The following VPS13B variants were observed in gnomAD, a reference collection of about 807,000 sequenced individuals.
VPS13B encodes the protein vacuolar protein sorting 13 homolog B.
Under a neutral mutation model 426.4 loss-of-function variants are expected in VPS13B, and 285 were observed. That is an observed-to-expected ratio of 0.67 (90% CI 0.61 to 0.74). The LOEUF (loss-of-function observed/expected upper bound fraction) is 0.74, where lower values mean the gene tolerates loss of function less well. Ranked by LOEUF, VPS13B falls within the 30% of genes least tolerant of loss-of-function variation. The pLI is 0.00. For missense variants in VPS13B, 4,537 were observed against 4,782.6 expected (o/e 0.95, Z 1.51); for synonymous variants, 1,676 against 1,676.4 (o/e 1.00, Z 0.01).
chr8:99,048,814 C>A (rs199541504), intron 3 of VPS13B, among the ~76,000 whole-genome samples: 58 of 146,338 alleles, frequency 4.0e-4, no homozygotes, highest in South Asian at 6.4e-4. Context: ...AACTCTGTCT[C>A]AAAAAAAAAA....
intron 17 of VPS13B, among the ~76,000 whole-genome samples, chr8:99,206,126 A>C (rs893998569): frequency 1.3e-5 from 2 of 152,164 alleles, no homozygotes; most frequent in African/African-American, 4.8e-5. Context: ...ATAAAGTCAC[A>C]CATGGCTTTG....
rs547538527 is a variant in VPS13B at position 99,032,252 on chromosome 8, AC to A, written c.148-6170del. On this transcript the variant is annotated intron_variant, in intron 2 of 61. Coordinates refer to ENST00000357162, the MANE Select transcript of VPS13B (RefSeq NM_152564.5). ...TCCATTGTTCTCCCATAGACACTAA[AC>A]TCAAACTGCTCTATTTGTTGTTTTG... Among the ~76,000 whole-genome samples the A allele has an allele frequency of 3.4e-3, 525 of 152,194 alleles. 2 individuals carry two copies. The highest frequency in any genetic ancestry group is 0.012 in the African/African-American group (504 of 41,514).
intron 21 of VPS13B, among the ~76,000 whole-genome samples, chr8:99,413,931 T>C (rs1480008268): frequency 3.3e-5 from 5 of 152,232 alleles, no homozygotes; most frequent in Admixed American, 6.5e-5. Context: ...GTTCTGTCAA[T>C]GTCTATTAGG....
rs573277557 is a variant in VPS13B at position 99,294,636 on chromosome 8, A to G, written c.2824+19382A>G. Among the ~76,000 whole-genome samples, 5 of 152,224 alleles carry G rather than the reference A, an allele frequency of 3.3e-5. No homozygotes were observed. In the South Asian group the frequency reaches 1.0e-3, roughly 32 times the overall value. The stretch of plus-strand genomic sequence containing the variant: ...AGATCCCTGTTATATGAAGGAAGAA[A>G]TGTGTCTGTAACATTAAAGCTGTTA... On this transcript the variant is annotated intron_variant, in intron 19 of 61. Coordinates refer to ENST00000357162, the MANE Select transcript of VPS13B (RefSeq NM_152564.5).
At chr8:99,575,344 C>T (rs1001169405) in intron 31 of VPS13B, among the ~76,000 whole-genome samples, 3 of 151,736 alleles carry the variant, frequency 2.0e-5, no homozygotes, top group Non-Finnish European at 2.9e-5. Context: ...TTGGTGGTAA[C>T]AAAAGTGATA....
intron 19 of VPS13B, among the ~76,000 whole-genome samples, chr8:99,277,534 A>C (rs145089830): frequency 5.9e-4 from 90 of 152,322 alleles, no homozygotes; most frequent in African/African-American, 2.1e-3. Context: ...AGTCATAAGT[A>C]AATCTTAAAT....
chr8:99,591,380 T>C (rs1347796139), intron 33 of VPS13B, among the ~76,000 whole-genome samples: 1 of 152,104 alleles, frequency 6.6e-6, no homozygotes, highest in Non-Finnish European at 1.5e-5. Flanking sequence ...ATGTGTGAAT[T>C]TGATCCTGTC....
intron 40 of VPS13B, among the ~76,000 whole-genome samples, chr8:99,773,736 A>C (rs1393540322): frequency 6.6e-6 from 1 of 152,216 alleles, no homozygotes; most frequent in Non-Finnish European, 1.5e-5. Context: ...ACTATTTTCC[A>C]GTTAAAAGTG....
intron 19 of VPS13B, among the ~76,000 whole-genome samples, chr8:99,337,217 C>T: frequency 6.6e-6 from 1 of 151,992 alleles, no homozygotes. Context: ...TTTGTAGGGA[C>T]ATGGATGAAA....
At chr8:99,698,729 T>G (rs1832138416) in intron 35 of VPS13B, among the ~76,000 whole-genome samples, 1 of 151,718 alleles carries the variant, frequency 6.6e-6, no homozygotes, top group Admixed American at 6.6e-5. Context: ...TTTAAAGATG[T>G]GTGACATGCT....
intron 2 of VPS13B, among the ~76,000 whole-genome samples, chr8:99,014,610 C>A (rs1841515216): frequency 6.7e-6 from 1 of 150,086 alleles, no homozygotes; most frequent in Admixed American, 6.7e-5. Flanking sequence ...ACATCACATT[C>A]TCATTCTCCT....
intron 19 of VPS13B, among the ~76,000 whole-genome samples, chr8:99,311,200 G>C (rs867912458): frequency 6.6e-6 from 1 of 152,122 alleles, no homozygotes; most frequent in South Asian, 2.1e-4. Context: ...GTTATTTCTT[G>C]CCTTCTGGTA....
At chr8:99,838,398 A>T (rs1198313008) in intron 54 of VPS13B, among the ~76,000 whole-genome samples, 1 of 152,236 alleles carries the variant, frequency 6.6e-6, no homozygotes, top group Non-Finnish European at 1.5e-5. Context: ...AGTGTATAGG[A>T]TTTTAATTTC....
chr8:99,517,310 C>T (rs1188897301), intron 29 of VPS13B, among the ~76,000 whole-genome samples: 1 of 152,146 alleles, frequency 6.6e-6, no homozygotes, highest in African/African-American at 2.4e-5. Context: ...TTTATTCAAG[C>T]TATTGGTTAC....
intron 30 of VPS13B, among the ~76,000 whole-genome samples, chr8:99,549,510 A>C (rs1195096922): frequency 3.9e-5 from 6 of 151,954 alleles, no homozygotes; most frequent in African/African-American, 1.2e-4. Context: ...TCTCTATATT[A>C]TCTCACTTAA....
At chr8:99,503,002 G>A in intron 27 of VPS13B, 52 bp downstream of exon 27, 1 of 1,342,046 alleles carries the variant, frequency 7.5e-7, no homozygotes, top group South Asian at 1.2e-5. Context: ...TTTGAACAAA[G>A]TTACCATAAG....
chr8:99,175,747 C>T (rs998162571), intron 16 of VPS13B, among the ~76,000 whole-genome samples: 2 of 152,186 alleles, frequency 1.3e-5, no homozygotes, highest in African/African-American at 2.4e-5. Flanking sequence ...ACAGCGAGAC[C>T]CTGTCTGTTT....
In VPS13B at chr8:99,570,330, T is replaced by C. The variant is rs1011387121; in HGVS notation, c.4950-5328T>C. ...CTCATTTTGGAATTCTAGTTATATA[T>C]GTTGGACTCATCTCTCCATGTCTCT... is the stretch of plus-strand genomic sequence containing the variant. On this transcript the variant is annotated intron_variant, in intron 31 of 61. Transcript: ENST00000357162. Among the ~76,000 whole-genome samples the C allele has an allele frequency of 1.7e-4, 26 of 152,264 alleles. 1 individual carries two copies. The East Asian group carries it at 3.1e-3, about 18-fold the overall frequency.
Position 99,222,624 on chromosome 8 carries a change from A to C in VPS13B, c.2515+29567A>C, listed in dbSNP as rs531674397. ...AAAAGAAAAACCAGTGGATTTTAAA[A>C]ACTCGAACAGGATGACAATTATTCA... On this transcript the variant is annotated intron_variant, in intron 17 of 61. Transcript: ENST00000357162. 3.9e-5 allele frequency among the ~76,000 whole-genome samples: 6 copies of C among 152,328 alleles called. No individual in the cohort carries two copies. The East Asian group carries it at 9.7e-4, about 25-fold the overall frequency.
Sources: allele counts gnomAD v4.1 joint callset (sites outside exome capture counted in the v4.1 genomes callset), GRCh38; gene constraint gnomAD v4.1.1; transcripts MANE v1.5; gene names NCBI Gene and HGNC (gene_info 2026-07-23, HGNC 2026-07-21).